SIRPA: variants seen among roughly 807,000 people sequenced by gnomAD.
The protein encoded by SIRPA is signal regulatory protein alpha.
SIRPA carries 9 observed loss-of-function variants against 50.3 expected under a neutral mutation model. That is an observed-to-expected ratio of 0.18 (90% CI 0.11 to 0.31). SIRPA has a LOEUF of 0.31. Ranked by LOEUF, SIRPA falls within the 10% of genes least tolerant of loss-of-function variation. The probability of loss-of-function intolerance (pLI) is 1.00; values close to 1 mark genes in which losing one functional copy is unlikely to be tolerated. For synonymous variants in SIRPA, 265 were observed against 284.1 expected, an observed-to-expected ratio of 0.93 and a Z score of 0.68; for missense variants, 474 against 661.6, an observed-to-expected ratio of 0.72 and a Z score of 3.11.
At position 1,932,332 on chromosome 20, in the gene SIRPA, T is replaced by A. The variant is rs576591661; in HGVS notation, c.1227-2383T>A. On this transcript the variant is annotated intron_variant, in intron 6 of 7. Coordinates refer to ENST00000358771, the MANE Select transcript of SIRPA (RefSeq NM_001040023.2). The surrounding 1 kb of genome is among the most constrained non-coding windows in gnomAD (Gnocchi z 6.0). The stretch of plus-strand genomic sequence containing the variant: ...CTGGGGCGAGCAGGGAGGGCTTGTC[T>A]GCAAGGTGACATTTAGAAGATCACT... Among the ~76,000 whole-genome samples, 41 of 152,256 alleles carry A rather than the reference T, an allele frequency of 2.7e-4. No homozygotes were observed. The highest frequency in any genetic ancestry group is 8.7e-4 in the African/African-American group (36 of 41,570).
chr20:1,919,610 G>A (rs1265667282), intron 2 of SIRPA, among the ~76,000 whole-genome samples: 4 of 151,976 alleles, frequency 2.6e-5, no homozygotes, highest in African/African-American at 7.3e-5. Flanking sequence ...AATGACCGCC[G>A]GAATCCCAGC....
chr20:1,925,008 A>G (rs1039898831), intron 5 of SIRPA, 131 bp downstream of exon 5: 2 of 720,416 alleles, frequency 2.8e-6, no homozygotes, highest in African/African-American at 3.5e-5. Flanking sequence ...TAGTGGTGCT[A>G]GGGCTGGGGC....
intron 1 of SIRPA, among the ~76,000 whole-genome samples, chr20:1,896,763 G>A (rs1332685932): frequency 6.6e-6 from 1 of 151,896 alleles, no homozygotes; most frequent in Non-Finnish European, 1.5e-5. Context: ...AATTCACATA[G>A]GCATCCCCCC....
rs370731589 is a variant in SIRPA, at chr20:1,927,424, C to T, written c.1202-451C>T. ...GCTGAGAGAGAGGAAGTGACCCACC[C>T]GGGGTCACATGGTGAGTGAGTGGGT... On this transcript the variant is annotated intron_variant, in intron 5 of 7. Coordinates refer to ENST00000358771, the MANE Select transcript of SIRPA (RefSeq NM_001040023.2). The surrounding 1 kb of genome is among the most constrained non-coding windows in gnomAD (Gnocchi z 6.5). Among the ~76,000 whole-genome samples, 12 of 152,284 alleles carry T rather than the reference C, an allele frequency of 7.9e-5. No homozygotes were observed. The highest frequency in any genetic ancestry group is 4.1e-4 in the South Asian group (2 of 4,826).
At chr20:1,929,702 G>A (rs534604777) in intron 6 of SIRPA, among the ~76,000 whole-genome samples, 2 of 152,088 alleles carry the variant, frequency 1.3e-5, no homozygotes, top group African/African-American at 4.8e-5. Context: ...AAGCAGAGCC[G>A]CCTCTCCAGC....
Position 1,895,538 on chromosome 20 carries a change from C to G in SIRPA, c.79+12C>G. 1.4e-6 allele frequency: 2 copies of G among 1,441,552 alleles called. No individual in the cohort carries two copies. The highest frequency in any genetic ancestry group is 1.8e-6 in the Non-Finnish European group (2 of 1,098,558). 89.3% of individuals were successfully genotyped at this position (1,441,552 alleles called of 1,614,324 possible). On this transcript the variant is annotated intron_variant, in intron 1 of 7. Coordinates refer to ENST00000358771, the MANE Select transcript of SIRPA (RefSeq NM_001040023.2). Reference sequence around the variant, plus strand: ...CTGCGCCTGGTCAGGTAAGCACCCCCCCGCTCCCCACCGCTGCACTCCCCA... The same window carrying G: ...CTGCGCCTGGTCAGGTAAGCACCCCGCCGCTCCCCACCGCTGCACTCCCCA...
chr20:1,913,032 C>G (rs943450213), intron 1 of SIRPA, among the ~76,000 whole-genome samples: 1 of 152,222 alleles, frequency 6.6e-6, no homozygotes, highest in African/African-American at 2.4e-5. Context: ...TGTCTGTCCA[C>G]TGTGGGTTCT....
In SIRPA at chr20:1,933,789, T is replaced by C. The variant is rs1185865118; in HGVS notation, c.1227-926T>C. 6.6e-6 allele frequency among the ~76,000 whole-genome samples: 1 copy of C among 152,194 alleles called. No individual in the cohort carries two copies. The highest frequency in any genetic ancestry group is 1.9e-4 in the East Asian group (1 of 5,192). On this transcript the variant is annotated intron_variant, in intron 6 of 7. Coordinates refer to ENST00000358771, the MANE Select transcript of SIRPA (RefSeq NM_001040023.2). This position sits in a 1 kb window ranked among gnomAD's most constrained non-coding sequence, Gnocchi z 4.4. ...TGCCGGCTTGAGAATTTACACAACT[T>C]CTGCCAAGCCAGTGGCTCTGGTTTG...
chr20:1,894,885 C>G (rs1376301011), upstream of SIRPA: 1 of 143,890 alleles, frequency 6.9e-6, no homozygotes, highest in Non-Finnish European at 1.5e-5. This position sits in a 1 kb window ranked among gnomAD's most constrained non-coding sequence, Gnocchi z 4.0. Context: ...GTCGGGCTGC[C>G]GGGAGGGCGG....
rs1250553096 is a variant in SIRPA at position 1,927,322 on chromosome 20, C to T, written c.1202-553C>T. ...TCTGAACCAGATGGACACTTTCTTT[C>T]CTTCCAAGATCCTTTTTTTGGAAAG... On this transcript the variant is annotated intron_variant, in intron 5 of 7. Transcript: ENST00000358771. This position sits in a 1 kb window ranked among gnomAD's most constrained non-coding sequence, Gnocchi z 6.5. Among the ~76,000 whole-genome samples the T allele has an allele frequency of 6.6e-6, 1 of 152,216 alleles. No homozygotes were observed. The highest frequency in any genetic ancestry group is 6.5e-5 in the Admixed American group (1 of 15,294).
At chr20:1,914,954 T>G in intron 1 of SIRPA, 145 bp from the exon 2 acceptor site, 2 of 740,262 alleles carry the variant, frequency 2.7e-6, no homozygotes, top group Non-Finnish European at 4.4e-6. Context: ...GTTGTGAGGG[T>G]CAAATGAGAT....
chr20:1,937,227 A>G lies in SIRPA; in HGVS notation c.1267-93A>G. 1 of 1,452,746 alleles carries G rather than the reference A, an allele frequency of 6.9e-7. No homozygotes were observed. Among genetic ancestry groups the G allele is most frequent in the Non-Finnish European group, 9.4e-7 (1 of 1,063,532 alleles). The allele number at this position is 1,452,746 out of a possible 1,614,324, so 90.0% of individuals were successfully genotyped here. ...GCCAGTGTGGGCCGAGAGGACACAG[A>G]AGCATCCAGACTTGGTATTCAGTTT... On this transcript the variant is annotated intron_variant, in intron 7 of 7. Transcript: ENST00000358771. The surrounding 1 kb of genome is among the most constrained non-coding windows in gnomAD (Gnocchi z 8.3).
chr20:1,903,011 CAAAA>C (rs58735842), intron 1 of SIRPA, among the ~76,000 whole-genome samples: 22,442 of 90,376 alleles, frequency 0.25, 1,874 homozygotes, highest in African/African-American at 0.36. Context: ...GACTCTGTCT[CAAAA>C]AAAAAAAAAA....
chr20:1,927,091 C>T lies in SIRPA; in HGVS notation c.1202-784C>T, dbSNP rs925157387. 6.6e-6 allele frequency among the ~76,000 whole-genome samples: 1 copy of T among 152,310 alleles called. No homozygotes were observed. On this transcript the variant is annotated intron_variant, in intron 5 of 7. Transcript: ENST00000358771. This position sits in a 1 kb window ranked among gnomAD's most constrained non-coding sequence, Gnocchi z 6.5. ...CAACTGGTACACCTCATCTAAAGATCCAGGACCTGCCCAGGCAGCAAGCGT... is the reference window on the plus strand; with the variant it reads ...CAACTGGTACACCTCATCTAAAGATTCAGGACCTGCCCAGGCAGCAAGCGT...
intron 6 of SIRPA, among the ~76,000 whole-genome samples, chr20:1,930,885 C>T (rs926503049): frequency 7.2e-5 from 11 of 152,176 alleles, no homozygotes; most frequent in South Asian, 4.1e-4. Flanking sequence ...CCACTGCGCC[C>T]GGCCCTGTTG....
At chr20:1,925,019 A>C in intron 5 of SIRPA, 142 bp downstream of exon 5, 1 of 674,882 alleles carries the variant, frequency 1.5e-6, no homozygotes, top group Non-Finnish European at 2.6e-6. Flanking sequence ...GGGCTGGGGC[A>C]GTGGCCTCAC....
chr20:1,908,071 C>T (rs1300944898), intron 1 of SIRPA, among the ~76,000 whole-genome samples: 1 of 152,156 alleles, frequency 6.6e-6, no homozygotes, highest in Non-Finnish European at 1.5e-5. Flanking sequence ...GGGCACGACC[C>T]TAGACAGATA....
At position 1,922,500 on chromosome 20, in the gene SIRPA, C is replaced by G. The variant is rs767709533; in HGVS notation, c.942C>G (p.Ser314Arg). 6 of 1,614,226 alleles carry G rather than the reference C, an allele frequency of 3.7e-6. No individual in the cohort carries two copies. The East Asian group carries it at 1.3e-4, about 36-fold the overall frequency. Residue 314 changes from serine (S) to arginine (R), a missense_variant, in exon 4 of 8, where the codon AGC becomes AGG. Around this residue, in one of 4 missense-constraint regions of SIRPA, gnomAD observed 221 missense variants for 359.9 expected, o/e 0.61. Transcript: ENST00000358771. The stretch of plus-strand genomic sequence containing the variant: ...AGGATGGTACCTACAACTGGATGAG[C>G]TGGCTCCTGGTGAATGTATCTGCCC... ...ENKDGTYNWM[S>R]WLLVNVSAHR...
rs370724960 is a variant in SIRPA at position 1,937,441 on chromosome 20, C to T, written c.1388C>T (p.Ala463Val). The change falls in exon 8 of 8, where the codon GCG becomes GTG. Residue 463 changes from alanine to valine, a missense_variant. Around this residue, in one of 4 missense-constraint regions of SIRPA, gnomAD observed 180 missense variants for 206.7 expected, o/e 0.87. Coordinates refer to ENST00000358771, the MANE Select transcript of SIRPA (RefSeq NM_001040023.2). This position sits in a 1 kb window ranked among gnomAD's most constrained non-coding sequence, Gnocchi z 8.3. ...AGCATTCAGACCAGCCCGCAGCCCG[C>T]GTCGGAGGACACCCTCACCTATGCT... ...YASIQTSPQP[A>V]SEDTLTYADL... The T allele has an allele frequency of 4.6e-5, 74 of 1,614,000 alleles. 1 individual carries two copies. Among genetic ancestry groups the T allele is most frequent in the South Asian group, 3.3e-4 (30 of 91,082 alleles).
Sources: allele counts gnomAD v4.1 joint callset (sites outside exome capture counted in the v4.1 genomes callset), GRCh38; gene constraint gnomAD v4.1.1; regional missense constraint gnomAD v4.1.1; non-coding constraint Gnocchi (gnomAD v3.1); transcripts MANE v1.5; gene names NCBI Gene and HGNC (gene_info 2026-07-23, HGNC 2026-07-21).